GRID2: variants seen among roughly 807,000 people sequenced by gnomAD.
GRID2 encodes the protein glutamate ionotropic receptor delta type subunit 2, also known as glutamate receptor ionotropic, delta-2.
In GRID2, 33 loss-of-function variants were observed where a neutral mutation model predicts 114.8. The ratio of observed to expected loss-of-function variants is 0.29; its 90% confidence interval spans 0.22 to 0.38. The LOEUF is 0.38. Ranked by LOEUF, GRID2 falls within the 10% of genes least tolerant of loss-of-function variation. GRID2 has a pLI of 1.00. For missense variants in GRID2, 1,184 were observed against 1,257.7 expected (o/e 0.94, Z 0.89); for synonymous variants, 505 against 449.9 (o/e 1.12, Z -1.55).
In GRID2 at chr4:92,304,337, G is replaced by C. The variant is rs1044548813; in HGVS notation, c.-320G>C. On this transcript the variant is annotated 5_prime_UTR_variant, in exon 1 of 16. Transcript: ENST00000282020. ...CCGCGCAGCGATGGGTCTGATCTGA[G>C]CCCCAGCCTCTCCCCCTGCCCAAGA... is the stretch of plus-strand genomic sequence containing the variant. The C allele has an allele frequency of 2.1e-5, 8 of 373,656 alleles. No individual in the cohort carries two copies. Among genetic ancestry groups the C allele is most frequent in the Admixed American group, 4.5e-5 (1 of 22,312 alleles). 23.1% of individuals were successfully genotyped at this position (373,656 alleles called of 1,614,324 possible).
chr4:93,267,919 G>A (rs771440493), intron 8 of GRID2, among the ~76,000 whole-genome samples: 13 of 152,094 alleles, frequency 8.5e-5, no homozygotes, highest in South Asian at 6.2e-4. Flanking sequence ...TTCCTGCTCC[G>A]TCTCTCTGCT....
At chr4:93,038,795 GAAA>G (rs927197145) in intron 2 of GRID2, among the ~76,000 whole-genome samples, 8 of 143,236 alleles carry the variant, frequency 5.6e-5, no homozygotes, top group Non-Finnish European at 9.2e-5. Flanking sequence ...TGTCTCAAAA[GAAA>G]AAAAAAAGGT....
chr4:92,741,387 A>G (rs775899675), intron 2 of GRID2, among the ~76,000 whole-genome samples: 3 of 152,138 alleles, frequency 2.0e-5, no homozygotes, highest in African/African-American at 7.2e-5. Context: ...ACTGTAATCA[A>G]TTCCTTATAG....
intron 14 of GRID2, among the ~76,000 whole-genome samples, chr4:93,730,993 T>A (rs577733896): frequency 6.6e-6 from 1 of 152,314 alleles, no homozygotes; most frequent in Admixed American, 6.5e-5. Context: ...AGTTTCCCCG[T>A]GACACCTGCT....
chr4:93,613,689 G>GTA, intron 13 of GRID2, among the ~76,000 whole-genome samples: 38 of 143,486 alleles, frequency 2.6e-4, no homozygotes, highest in African/African-American at 8.9e-4. Flanking sequence ...CCAGCTGCTT[G>GTA]CTGGGAGAAC....
chr4:93,038,788 C>T (rs1014756226), intron 2 of GRID2, among the ~76,000 whole-genome samples: 2 of 149,866 alleles, frequency 1.3e-5, no homozygotes, highest in African/African-American at 4.9e-5. Context: ...GAGACTCTGT[C>T]TCAAAAGAAA....
intron 4 of GRID2, among the ~76,000 whole-genome samples, chr4:93,131,865 ACT>A (rs1734836239): frequency 6.6e-6 from 1 of 152,168 alleles, no homozygotes; most frequent in African/African-American, 2.4e-5. Context: ...TATGTATACA[ACT>A]AGCACTATAG....
At chr4:92,502,762 G>A (rs1723753004) in intron 1 of GRID2, among the ~76,000 whole-genome samples, 1 of 134,590 alleles carries the variant, frequency 7.4e-6, no homozygotes, top group African/African-American at 2.9e-5. Flanking sequence ...CTGTCACCCA[G>A]GCTAGAGTGC....
intron 14 of GRID2, among the ~76,000 whole-genome samples, chr4:93,753,422 C>T (rs574769137): frequency 6.6e-6 from 1 of 152,182 alleles, no homozygotes; most frequent in East Asian, 1.9e-4. Context: ...TATACATGTG[C>T]CATGTTGGTG....
At chr4:92,645,353 C>T (rs940335148) in intron 2 of GRID2, among the ~76,000 whole-genome samples, 1 of 151,628 alleles carries the variant, frequency 6.6e-6, no homozygotes, top group Non-Finnish European at 1.5e-5. Flanking sequence ...TTCCCCTTTT[C>T]TCCCTATATT....
chr4:92,821,301 T>C (rs994365413), intron 2 of GRID2, among the ~76,000 whole-genome samples: 2 of 152,154 alleles, frequency 1.3e-5, no homozygotes, highest in Non-Finnish European at 2.9e-5. Flanking sequence ...TCAGCGCCTC[T>C]GGCAATGAGG....
intron 1 of GRID2, among the ~76,000 whole-genome samples, chr4:92,419,733 C>T (rs1731802017): frequency 6.6e-6 from 1 of 151,864 alleles, no homozygotes; most frequent in Admixed American, 6.6e-5. Context: ...TCCTTTTTAC[C>T]TTAAAAACCC....
At position 93,524,505 on chromosome 4, in the gene GRID2, AT is replaced by A. The variant is rs1260292621; in HGVS notation, c.2193+9101del. ...AATGCATTTTTAATAGTAGAGTTGG[AT>A]TTTTTTAAATTATTATTAAGACTTA... On this transcript the variant is annotated intron_variant, in intron 13 of 15. Coordinates refer to ENST00000282020, the MANE Select transcript of GRID2 (RefSeq NM_001510.4). Among the ~76,000 whole-genome samples the A allele has an allele frequency of 1.3e-4, 20 of 152,048 alleles. No individual in the cohort carries two copies. In the South Asian group the frequency reaches 1.5e-3, roughly 11 times the overall value.
chr4:92,573,306 A>G (rs1473553243), intron 1 of GRID2, among the ~76,000 whole-genome samples: 1 of 151,578 alleles, frequency 6.6e-6, no homozygotes, highest in Non-Finnish European at 1.5e-5. Flanking sequence ...TCATGTCTCT[A>G]TCTCCTTCAG....
chr4:92,402,002 C>T (rs1013358497), intron 1 of GRID2, among the ~76,000 whole-genome samples: 1 of 152,160 alleles, frequency 6.6e-6, no homozygotes, highest in African/African-American at 2.4e-5. Flanking sequence ...TATTCTAAAT[C>T]CTTTGTTGTC....
At chr4:92,882,988 G>C (rs1363386178) in intron 2 of GRID2, among the ~76,000 whole-genome samples, 2 of 152,132 alleles carry the variant, frequency 1.3e-5, no homozygotes, top group Admixed American at 6.5e-5. Flanking sequence ...TAAGACAACA[G>C]TGAAGTTTGC....
At position 93,726,318 on chromosome 4, in the gene GRID2, G is replaced by A; in HGVS notation, c.2361-42892G>A. Among the ~76,000 whole-genome samples the A allele has an allele frequency of 2.0e-5, 3 of 152,192 alleles. No homozygotes were observed. In the South Asian group the frequency reaches 6.2e-4, roughly 32 times the overall value. On this transcript the variant is annotated intron_variant, in intron 14 of 15. Transcript: ENST00000282020. ...GTAGATATGCGGCATTATTTCTGAGGGCTCTGTTCTGTTCCATTGGTCTAT... is the reference window on the plus strand; with the variant it reads ...GTAGATATGCGGCATTATTTCTGAGAGCTCTGTTCTGTTCCATTGGTCTAT...
At chr4:93,312,180 C>A (rs558424265) in intron 8 of GRID2, among the ~76,000 whole-genome samples, 1 of 152,164 alleles carries the variant, frequency 6.6e-6, no homozygotes, top group South Asian at 2.1e-4. Context: ...AGACCATGGC[C>A]CTAAGGAACT....
chr4:92,756,424 T>C (rs1737723704), intron 2 of GRID2, among the ~76,000 whole-genome samples: 1 of 152,308 alleles, frequency 6.6e-6, no homozygotes, highest in East Asian at 1.9e-4. Flanking sequence ...ATGCCTTTGA[T>C]ACATTGATTC....
Sources: gnomAD v4.1 joint callset for allele counts (sites outside exome capture counted in the v4.1 genomes callset) on GRCh38, gnomAD v4.1.1 for gene constraint, MANE v1.5 for transcripts, NCBI Gene and HGNC (gene_info 2026-07-23, HGNC 2026-07-21) for gene names.